The following C16orf87 variants were observed in gnomAD, a reference collection of about 807,000 sequenced individuals.
The protein encoded by C16orf87 is HDAC and MIER1 interacting protein 1.
C16orf87 carries 13 observed loss-of-function variants against 21.0 expected under a neutral mutation model. The ratio of observed to expected loss-of-function variants is 0.62; its 90% CI spans 0.40 to 0.98. The LOEUF (loss-of-function observed/expected upper bound fraction) is 0.98, where lower values mean the gene tolerates loss of function less well. Ranked by LOEUF, C16orf87 falls within the 50% of genes least tolerant of loss-of-function variation. The pLI, the probability that C16orf87 is intolerant of heterozygous loss-of-function variation, is 0.00. For synonymous variants in C16orf87, 49 were observed against 60.2 expected, an observed-to-expected ratio of 0.81 and a Z score of 0.86; for missense variants, 113 against 180.4, an observed-to-expected ratio of 0.63 and a Z score of 2.14.
intron 2 of C16orf87, among the ~76,000 whole-genome samples, chr16:46,819,871 G>A (rs905716321): frequency 6.6e-6 from 1 of 151,940 alleles, no homozygotes; most frequent in African/African-American, 2.4e-5. Context: ...CTACTTGGGA[G>A]GCTGAGACAG....
At chr16:46,826,861 G>T (rs1051188635) in intron 1 of C16orf87, among the ~76,000 whole-genome samples, 1 of 152,066 alleles carries the variant, frequency 6.6e-6, no homozygotes, top group Non-Finnish European at 1.5e-5. Flanking sequence ...TCCAAAATAC[G>T]CAAATGCATG....
At chr16:46,826,962 C>T (rs562008159) in intron 1 of C16orf87, among the ~76,000 whole-genome samples, 5 of 152,288 alleles carry the variant, frequency 3.3e-5, no homozygotes, top group Admixed American at 3.3e-4. Context: ...CAGTCTTATA[C>T]AAAAGAACTT....
In C16orf87 at chr16:46,800,938, C is replaced by T. The variant is rs1403234589; in HGVS notation, c.*2014G>A. 6.6e-6 allele frequency: 1 copy of T among 152,170 alleles called. No homozygotes were observed. Among genetic ancestry groups the T allele is most frequent in the Non-Finnish European group, 1.5e-5 (1 of 68,024 alleles). 9.4% of individuals were successfully genotyped at this position (152,170 alleles called of 1,614,324 possible). ...TTCTATACGGCAAGCTCCAGCCCAG[C>T]CACCAGTACCTCCTTTACCATATCC... On this transcript the variant is annotated 3_prime_UTR_variant, in exon 4 of 4. Transcript: ENST00000285697.
intron 1 of C16orf87, among the ~76,000 whole-genome samples, chr16:46,825,519 A>G (rs1035807317): frequency 1.8e-4 from 27 of 152,240 alleles, no homozygotes; most frequent in Non-Finnish European, 1.8e-4. Flanking sequence ...TAACAATCAC[A>G]TCATGGAAAA....
At chr16:46,807,979 A>G (rs752882276) in intron 3 of C16orf87, 4 of 454,328 alleles carry the variant, frequency 8.8e-6, no homozygotes, top group South Asian at 6.2e-5. Context: ...CACCAGAAGC[A>G]TTCTCTTCTT....
intron 2 of C16orf87, among the ~76,000 whole-genome samples, chr16:46,817,898 AT>A (rs1175048083): frequency 1.9e-5 from 2 of 105,990 alleles, no homozygotes; most frequent in African/African-American, 3.6e-5. Flanking sequence ...AAAGGTATGC[AT>A]TTTTTTCATC....
At chr16:46,830,845 C>G (rs1159716927) in intron 1 of C16orf87, 3 of 351,818 alleles carry the variant, frequency 8.5e-6, no homozygotes, top group Non-Finnish European at 1.5e-5. Context: ...GGCCGGGACA[C>G]AGCAAGAAGG....
chr16:46,812,221 G>A (rs909307384), intron 2 of C16orf87, among the ~76,000 whole-genome samples: 1 of 152,088 alleles, frequency 6.6e-6, no homozygotes, highest in African/African-American at 2.4e-5. Flanking sequence ...TCCAGCCTGG[G>A]TGACAGAGCG....
At chr16:46,829,642 T>C (rs776768581) in intron 1 of C16orf87, among the ~76,000 whole-genome samples, 1 of 152,324 alleles carries the variant, frequency 6.6e-6, no homozygotes, top group African/African-American at 2.4e-5. Context: ...AAGTCCAGTT[T>C]TGTCAAAATT....
intron 1 of C16orf87, 131 bp downstream of exon 1, chr16:46,830,953 C>G (rs1959834691): frequency 1.9e-6 from 1 of 536,174 alleles, no homozygotes; most frequent in Non-Finnish European, 3.0e-6. Context: ...GGCCCCGGAT[C>G]CCCGCCGCCG....
intron 2 of C16orf87, among the ~76,000 whole-genome samples, chr16:46,821,237 A>G (rs540137322): frequency 4.6e-5 from 7 of 152,338 alleles, no homozygotes; most frequent in South Asian, 2.1e-4. Flanking sequence ...GGTACTATAA[A>G]TCTATCTTAT....
At chr16:46,811,710 CA>C (rs1968090884) in intron 2 of C16orf87, among the ~76,000 whole-genome samples, 2 of 152,156 alleles carry the variant, frequency 1.3e-5, no homozygotes, top group South Asian at 4.2e-4. Context: ...TACAAATGGA[CA>C]GGTGATGCCA....
At chr16:46,811,467 T>C (rs2143086511) in intron 2 of C16orf87, among the ~76,000 whole-genome samples, 1 of 147,114 alleles carries the variant, frequency 6.8e-6, no homozygotes, top group East Asian at 2.0e-4. Context: ...AGCACCATTG[T>C]ATTACAGCAT....
chr16:46,821,649 C>T (rs1959418838), intron 2 of C16orf87, among the ~76,000 whole-genome samples: 1 of 152,192 alleles, frequency 6.6e-6, no homozygotes, highest in African/African-American at 2.4e-5. Context: ...TGGTTTTTCT[C>T]CTACAGCTGA....
At chr16:46,807,621 A>G (rs1967968901) in intron 3 of C16orf87, among the ~76,000 whole-genome samples, 1 of 152,210 alleles carries the variant, frequency 6.6e-6, no homozygotes, top group Non-Finnish European at 1.5e-5. Context: ...TGGCCCACAA[A>G]GCCTAGAACA....
At position 46,800,047 on chromosome 16, in the gene C16orf87, T is replaced by C. The variant is rs1967726088; in HGVS notation, c.*2905A>G. 6.6e-6 allele frequency: 1 copy of C among 152,232 alleles called. No individual in the cohort carries two copies. Among genetic ancestry groups the C allele is most frequent in the Non-Finnish European group, 1.5e-5 (1 of 68,044 alleles). The allele number at this position is 152,232 out of a possible 1,614,324, so 9.4% of individuals were successfully genotyped here. On this transcript the variant is annotated 3_prime_UTR_variant, in exon 4 of 4. Transcript: ENST00000285697. ...ATTAAATATTGCCAAGTCATTTTAA[T>C]GATCAGAATTAGAGAATCAAGTGCA...
chr16:46,812,531 G>A (rs777633164), intron 2 of C16orf87, among the ~76,000 whole-genome samples: 1 of 152,142 alleles, frequency 6.6e-6, no homozygotes, highest in Non-Finnish European at 1.5e-5. Context: ...ACAGGATTGT[G>A]GATGGGGCAG....
At chr16:46,822,233 T>C (rs1369592646) in intron 2 of C16orf87, among the ~76,000 whole-genome samples, 3 of 152,140 alleles carry the variant, frequency 2.0e-5, no homozygotes, top group African/African-American at 7.2e-5. Context: ...TTCTTTTATC[T>C]TTGTTGACTT....
intron 3 of C16orf87, among the ~76,000 whole-genome samples, chr16:46,805,182 A>C (rs910662768): frequency 1.3e-5 from 2 of 152,166 alleles, no homozygotes; most frequent in African/African-American, 4.8e-5. Context: ...TCATTGTTAA[A>C]GTCGTTGATG....
Sources: allele counts gnomAD v4.1 joint callset (sites outside exome capture counted in the v4.1 genomes callset), GRCh38; gene constraint gnomAD v4.1.1; transcripts MANE v1.5; gene names NCBI Gene and HGNC (gene_info 2026-07-23, HGNC 2026-07-21).